The following ANO4 variants were observed in gnomAD, a reference collection of about 807,000 sequenced individuals.
ANO4 encodes the protein anoctamin 4, also known as anoctamin-4.
Under a neutral mutation model 141.9 loss-of-function variants are expected in ANO4, and 69 were observed. The ratio of observed to expected loss-of-function variants is 0.49; its 90% confidence interval spans 0.40 to 0.59. The LOEUF is 0.59. ANO4 is among the 20% of genes least tolerant of loss of function. ANO4 has a pLI of 0.00. For synonymous variants in ANO4, 350 were observed against 394.3 expected (o/e 0.89, Z 1.33); for missense variants, 894 against 1,162.2 (o/e 0.77, Z 3.36).
chr12:100,744,017 G>C (rs1297837505), intron 3 of ANO4, among the ~76,000 whole-genome samples: 5 of 152,170 alleles, frequency 3.3e-5, no homozygotes. Flanking sequence ...TATATCCCCA[G>C]CTGATCCTCA....
At chr12:100,980,771 T>A (rs2044423815) in intron 7 of ANO4, among the ~76,000 whole-genome samples, 1 of 152,228 alleles carries the variant, frequency 6.6e-6, no homozygotes, top group Admixed American at 6.5e-5. Flanking sequence ...GAGTTAATGC[T>A]CTTTTTATCC....
chr12:101,037,220 T>C, intron 10 of ANO4, 70 bp downstream of exon 10: 1 of 1,486,204 alleles, frequency 6.7e-7, no homozygotes, highest in Non-Finnish European at 9.3e-7. Flanking sequence ...CTAGAGATAG[T>C]CAATAATTGA....
chr12:101,086,840 T>C lies in ANO4; in HGVS notation c.1701+16T>C, dbSNP rs1431518172. On this transcript the variant is annotated intron_variant, in intron 17 of 27. Coordinates refer to ENST00000392977, the MANE Select transcript of ANO4 (RefSeq NM_001286615.2). The stretch of plus-strand genomic sequence containing the variant: ...GCTGAATGTGGTAAGTGAGCTGCAG[T>C]GGCTAGCCAAACGGATCAAAATGTG... 1 of 1,610,020 alleles carries C rather than the reference T, an allele frequency of 6.2e-7. No homozygotes were observed. Among genetic ancestry groups the C allele is most frequent in the East Asian group, 2.2e-5 (1 of 44,754 alleles).
chr12:100,915,161 C>G lies in ANO4; in HGVS notation c.56-7065C>G, dbSNP rs2041280687. On this transcript the variant is annotated intron_variant, in intron 2 of 27. Coordinates refer to ENST00000392977, the MANE Select transcript of ANO4 (RefSeq NM_001286615.2). ...ACACCATTCTCCATCTCAGTACTGT[C>G]TTAGGAACACAGAATTCACCTATGG... Among the ~76,000 whole-genome samples the G allele has an allele frequency of 2.0e-5, 3 of 152,188 alleles. No homozygotes were observed. In the South Asian group the frequency reaches 6.2e-4, roughly 32 times the overall value.
intron 3 of ANO4, among the ~76,000 whole-genome samples, chr12:100,788,846 G>T (rs575561844): frequency 4.0e-5 from 6 of 151,636 alleles, no homozygotes; most frequent in Non-Finnish European, 8.8e-5. Flanking sequence ...AGTGGTTACA[G>T]ATAGAGATAA....
intron 1 of ANO4, among the ~76,000 whole-genome samples, chr12:100,882,744 G>C (rs565151731): frequency 6.6e-6 from 1 of 152,136 alleles, no homozygotes; most frequent in South Asian, 2.1e-4. Flanking sequence ...TGTTCCCCAG[G>C]CTGGAGTGCA....
chr12:101,076,555 G>T (rs1183846232), intron 14 of ANO4, among the ~76,000 whole-genome samples: 4 of 152,160 alleles, frequency 2.6e-5, no homozygotes, highest in Admixed American at 6.6e-5. Context: ...TGGAATAATT[G>T]TGACAGCCAC....
chr12:101,032,260 A>G (rs960474672), intron 9 of ANO4, among the ~76,000 whole-genome samples: 1 of 152,176 alleles, frequency 6.6e-6, no homozygotes, highest in Non-Finnish European at 1.5e-5. Context: ...CAGAACAGAG[A>G]CCTCAGAAAT....
chr12:100,887,899 G>C (rs1409635588), intron 1 of ANO4, among the ~76,000 whole-genome samples: 2 of 152,170 alleles, frequency 1.3e-5, no homozygotes, highest in African/African-American at 4.8e-5. Context: ...GAGGTCAAGG[G>C]TGGGCTACGT....
chr12:101,083,395 G>T (rs1378963498), intron 15 of ANO4, among the ~76,000 whole-genome samples: 1 of 152,126 alleles, frequency 6.6e-6, no homozygotes, highest in Non-Finnish European at 1.5e-5. Context: ...TTCTCAGGGT[G>T]GTTTTTTCTT....
At chr12:100,889,532 A>C (rs1009905394) in intron 1 of ANO4, among the ~76,000 whole-genome samples, 1 of 152,228 alleles carries the variant, frequency 6.6e-6, no homozygotes, top group Non-Finnish European at 1.5e-5. Flanking sequence ...CAATGAACTC[A>C]AACAAATTTA....
In ANO4 at chr12:100,864,646, T is replaced by C. The variant is rs1270744336; in HGVS notation, c.-140-37000T>C. ...GCTTTTGCCTCAAGGAGCTTTCATA[T>C]TGTGTGCGTTCAGTAAAGCAAAAAA... On this transcript the variant is annotated intron_variant, in intron 1 of 27. Transcript: ENST00000392977. Among the ~76,000 whole-genome samples the C allele has an allele frequency of 1.6e-4, 24 of 152,154 alleles. 1 individual carries two copies. The highest frequency in any genetic ancestry group is 1.4e-3 in the Admixed American group (22 of 15,264).
At chr12:101,030,375 C>A (rs1038657604) in intron 9 of ANO4, among the ~76,000 whole-genome samples, 1 of 152,206 alleles carries the variant, frequency 6.6e-6, no homozygotes, top group Non-Finnish European at 1.5e-5. Context: ...TCCTGAATGA[C>A]TCCTGGTTAA....
intron 5 of ANO4, among the ~76,000 whole-genome samples, chr12:100,967,375 A>T (rs1306933444): frequency 6.6e-6 from 1 of 152,158 alleles, no homozygotes; most frequent in Non-Finnish European, 1.5e-5. Context: ...CGGTGTAATC[A>T]TTTGGCAGTA....
intron 7 of ANO4, among the ~76,000 whole-genome samples, chr12:100,976,713 C>CA (rs1288866031): frequency 1.3e-5 from 2 of 152,180 alleles, no homozygotes; most frequent in Non-Finnish European, 2.9e-5. Context: ...GGCCAAGCTC[C>CA]ATCTTCTCAT....
chr12:100,876,564 C>T (rs2039318666), intron 1 of ANO4, among the ~76,000 whole-genome samples: 1 of 152,064 alleles, frequency 6.6e-6, no homozygotes, highest in South Asian at 2.1e-4. Context: ...ACTGATGATG[C>T]AGTGGAGAAA....
intron 1 of ANO4, among the ~76,000 whole-genome samples, chr12:100,833,569 A>C (rs553319755): frequency 6.6e-6 from 1 of 152,120 alleles, no homozygotes; most frequent in East Asian, 1.9e-4. Context: ...CCTCCAATTA[A>C]GAGGTTCTTC....
At chr12:100,734,387 A>G (rs1036780975) in intron 2 of ANO4, among the ~76,000 whole-genome samples, 1 of 152,086 alleles carries the variant, frequency 6.6e-6, no homozygotes, top group Admixed American at 6.6e-5. Flanking sequence ...GAGCCGTGCC[A>G]TTTTTCTTTT....
chr12:100,735,493 G>A (rs1284349457), intron 2 of ANO4, among the ~76,000 whole-genome samples: 1 of 152,136 alleles, frequency 6.6e-6, no homozygotes, highest in East Asian at 1.9e-4. Flanking sequence ...CAAATGTATG[G>A]ATGAGAGAAG....
Sources: gnomAD v4.1 joint callset for allele counts (sites outside exome capture counted in the v4.1 genomes callset) on GRCh38, gnomAD v4.1.1 for gene constraint, MANE v1.5 for transcripts, NCBI Gene and HGNC (gene_info 2026-07-23, HGNC 2026-07-21) for gene names.